The following LINC00305 variants were observed in gnomAD, a reference collection of about 807,000 sequenced individuals.
The protein encoded by LINC00305 is long intergenic non-protein coding RNA 305.
chr18:64,115,143 G>T (rs955024545), intron 1 of LINC00305, among the ~76,000 whole-genome samples: 1 of 152,196 alleles, frequency 6.6e-6, no homozygotes, highest in Non-Finnish European at 1.5e-5. Flanking sequence ...ACTCATCTCC[G>T]CCTTATCTTC....
At chr18:64,141,606 A>G (rs1358387386) in intron 1 of LINC00305, among the ~76,000 whole-genome samples, 3 of 152,226 alleles carry the variant, frequency 2.0e-5, no homozygotes, top group African/African-American at 7.2e-5. Flanking sequence ...CTACCTCCCA[A>G]GAATGGTAAA....
intron 1 of LINC00305, among the ~76,000 whole-genome samples, chr18:64,100,338 C>T (rs758064808): frequency 3.9e-5 from 6 of 152,096 alleles, no homozygotes; most frequent in South Asian, 4.1e-4. Context: ...TGGAGCTCTC[C>T]GCTACATGAA....
intron 1 of LINC00305, among the ~76,000 whole-genome samples, chr18:64,117,000 A>G (rs997157776): frequency 6.6e-6 from 1 of 152,198 alleles, no homozygotes. Flanking sequence ...TTTGCATAAC[A>G]ATGAGTTTCA....
At chr18:64,082,690 C>A (rs1327382903) in intron 3 of LINC00305, among the ~76,000 whole-genome samples, 1 of 152,188 alleles carries the variant, frequency 6.6e-6, no homozygotes, top group Non-Finnish European at 1.5e-5. Context: ...TTCCCTCTTT[C>A]ACCTGCACAC....
At chr18:64,122,192 T>C (rs2051364841) in intron 1 of LINC00305, among the ~76,000 whole-genome samples, 1 of 152,132 alleles carries the variant, frequency 6.6e-6, no homozygotes, top group Non-Finnish European at 1.5e-5. Flanking sequence ...TTAGTTTAAG[T>C]CTCATTTGTC....
intron 3 of LINC00305, among the ~76,000 whole-genome samples, chr18:64,082,297 C>T (rs1454026174): frequency 6.6e-6 from 1 of 151,820 alleles, no homozygotes; most frequent in African/African-American, 2.4e-5. Context: ...GACAACAGAA[C>T]AGGGACAGAA....
intron 1 of LINC00305, among the ~76,000 whole-genome samples, chr18:64,146,403 A>G (rs1188635788): frequency 1.3e-5 from 2 of 152,158 alleles, no homozygotes; most frequent in Non-Finnish European, 1.5e-5. Context: ...ACGCAATGAA[A>G]GCTTATGACC....
At chr18:64,108,034 T>C (rs2051298721) in intron 1 of LINC00305, among the ~76,000 whole-genome samples, 1 of 152,196 alleles carries the variant, frequency 6.6e-6, no homozygotes. Flanking sequence ...TGGTGATTGG[T>C]GTGCTACTGA....
intron 1 of LINC00305, among the ~76,000 whole-genome samples, chr18:64,113,538 C>G (rs1390284255): frequency 6.6e-6 from 1 of 152,228 alleles, no homozygotes; most frequent in Non-Finnish European, 1.5e-5. Flanking sequence ...ATAAGACTTA[C>G]AAGACCCACA....
At chr18:64,086,822 T>G (rs1027531316) in intron 3 of LINC00305, among the ~76,000 whole-genome samples, 1 of 152,230 alleles carries the variant, frequency 6.6e-6, no homozygotes, top group Non-Finnish European at 1.5e-5. Flanking sequence ...ACTTCTTATC[T>G]ATAAGCAGAA....
chr18:64,110,447 G>A (rs1218099848), intron 1 of LINC00305, among the ~76,000 whole-genome samples: 3 of 152,156 alleles, frequency 2.0e-5, no homozygotes, highest in Non-Finnish European at 4.4e-5. Context: ...TTTGAACAAT[G>A]TAACTAGCTT....
intron 1 of LINC00305, among the ~76,000 whole-genome samples, chr18:64,146,842 AG>A (rs2051500531): frequency 6.6e-6 from 1 of 151,730 alleles, no homozygotes; most frequent in Non-Finnish European, 1.5e-5. Flanking sequence ...GGGAGGTTTA[AG>A]TGTGTGTGTG....
At chr18:64,136,493 A>T (rs1253098420) in intron 1 of LINC00305, among the ~76,000 whole-genome samples, 2 of 152,132 alleles carry the variant, frequency 1.3e-5, no homozygotes, top group Non-Finnish European at 2.9e-5. Context: ...ATCAGATCTC[A>T]TGAGAACTCA....
chr18:64,118,208 T>C (rs894979201), intron 1 of LINC00305, among the ~76,000 whole-genome samples: 1 of 152,176 alleles, frequency 6.6e-6, no homozygotes, highest in East Asian at 1.9e-4. Flanking sequence ...GCTCTTATTT[T>C]AAAGATGAAG....
chr18:64,092,335 C>T (rs916945795), intron 3 of LINC00305, among the ~76,000 whole-genome samples: 5 of 152,156 alleles, frequency 3.3e-5, no homozygotes, highest in African/African-American at 1.2e-4. Context: ...GGCTGAGGTG[C>T]ACAGATCACA....
intron 1 of LINC00305, among the ~76,000 whole-genome samples, chr18:64,118,853 TG>T (rs1239028092): frequency 6.9e-6 from 1 of 145,632 alleles, no homozygotes; most frequent in African/African-American, 2.4e-5. Flanking sequence ...TGTGTGTGTG[TG>T]TGTGTGTGTG....
At chr18:64,092,426 G>C (rs1168925678) in intron 3 of LINC00305, among the ~76,000 whole-genome samples, 3 of 152,126 alleles carry the variant, frequency 2.0e-5, no homozygotes, top group Non-Finnish European at 4.4e-5. Context: ...GCCTGGTGTG[G>C]TGGCAGGTGC....
chr18:64,143,753 GTATGTACACATATTATGCGTA>G (rs1260913557), intron 1 of LINC00305, among the ~76,000 whole-genome samples: 2 of 70,234 alleles, frequency 2.8e-5, no homozygotes, highest in Non-Finnish European at 6.0e-5. Flanking sequence ...ATGCGTACAT[GTATGTACACATATTATGCGTA>G]CATGTATGTA....
intron 1 of LINC00305, among the ~76,000 whole-genome samples, chr18:64,130,576 G>C (rs1033546258): frequency 1.3e-5 from 2 of 152,064 alleles, no homozygotes; most frequent in Non-Finnish European, 1.5e-5. Flanking sequence ...TTAAAAGATC[G>C]ATAAGTAAAC....
Sources: allele counts gnomAD v4.1 joint callset (sites outside exome capture counted in the v4.1 genomes callset), GRCh38; gene constraint gnomAD v4.1.1; transcripts MANE v1.5; gene names NCBI Gene and HGNC (gene_info 2026-07-23, HGNC 2026-07-21).